Variants in PROS1 observed in about 807,000 individuals in gnomAD.
PROS1 encodes the protein vitamin K-dependent protein S.
In PROS1, 29 loss-of-function variants were observed where a neutral mutation model predicts 75.9. The ratio of observed to expected loss-of-function variants is 0.38; its 90% confidence interval spans 0.28 to 0.52. PROS1 has a LOEUF of 0.52. Ranked by LOEUF, PROS1 falls within the 20% of genes least tolerant of loss-of-function variation. The pLI is 0.83. For missense variants in PROS1, 680 were observed against 810.3 expected, an observed-to-expected ratio of 0.84 and a Z score of 1.95; for synonymous variants, 245 against 280.6, an observed-to-expected ratio of 0.87 and a Z score of 1.27.
In PROS1 at chr3:93,874,177, C is replaced by G; in HGVS notation, c.*68G>C. The G allele has an allele frequency of 7.7e-6, 12 of 1,555,290 alleles. No individual in the cohort carries two copies. The highest frequency in any genetic ancestry group is 1.1e-5 in the Non-Finnish European group (12 of 1,128,456). On this transcript the variant is annotated 3_prime_UTR_variant, in exon 15 of 15. Coordinates refer to ENST00000394236, the MANE Select transcript of PROS1 (RefSeq NM_000313.4). ...ACTGCACATTGTAAATAAAACCCTTCAGCTGTTATTGAAACATAAGTATAA... is the reference window on the plus strand; with the variant it reads ...ACTGCACATTGTAAATAAAACCCTTGAGCTGTTATTGAAACATAAGTATAA...
chr3:93,924,667 T>G (rs1026012480), intron 2 of PROS1, among the ~76,000 whole-genome samples: 1 of 150,972 alleles, frequency 6.6e-6, no homozygotes. Context: ...TACTCTCTTT[T>G]TTTTTTTTTT....
chr3:93,943,065 C>A lies in PROS1; in HGVS notation c.77-15658G>T, dbSNP rs1709314555. ...GACATAATTCTTCAGTTTGGGCTTC[C>A]CACCTCTATACAGTCCAATAACGGA... On this transcript the variant is annotated intron_variant, in intron 1 of 14. Transcript: ENST00000394236. Among the ~76,000 whole-genome samples, 5 of 152,164 alleles carry A rather than the reference C, an allele frequency of 3.3e-5. No individual in the cohort carries two copies. The South Asian group carries it at 1.0e-3, about 32-fold the overall frequency.
chr3:93,882,955 A>G (rs12634349), intron 12 of PROS1, among the ~76,000 whole-genome samples: 52,379 of 152,050 alleles, frequency 0.34, 10,274 homozygotes, highest in East Asian at 0.55. Flanking sequence ...TTGCAACTAC[A>G]GATTAGGAAG....
intron 1 of PROS1, among the ~76,000 whole-genome samples, chr3:93,939,868 C>T (rs1021761651): frequency 6.6e-6 from 1 of 152,104 alleles, no homozygotes; most frequent in African/African-American, 2.4e-5. Flanking sequence ...GCCCTCAAAC[C>T]CCACAACAGG....
intron 1 of PROS1, among the ~76,000 whole-genome samples, chr3:93,943,737 T>C (rs558978740): frequency 1.8e-4 from 27 of 152,304 alleles, no homozygotes; most frequent in African/African-American, 6.3e-4. Context: ...CCTGCACATA[T>C]AGAATCAGAT....
chr3:93,924,316 G>T, intron 2 of PROS1, 52 bp from the exon 3 acceptor site: 2 of 1,079,592 alleles, frequency 1.9e-6, no homozygotes, highest in Non-Finnish European at 2.5e-6. Context: ...TTTCATTATA[G>T]AGTTAAAACT....
At chr3:93,927,873 A>ATG (rs1553814475) in intron 1 of PROS1, among the ~76,000 whole-genome samples, 26 of 124,142 alleles carry the variant, frequency 2.1e-4, no homozygotes, top group African/African-American at 5.1e-4. Context: ...ATATATATAT[A>ATG]TGTGTGTATG....
At chr3:93,880,491 G>A (rs1708260706) in intron 12 of PROS1, among the ~76,000 whole-genome samples, 1 of 152,028 alleles carries the variant, frequency 6.6e-6, no homozygotes, top group Non-Finnish European at 1.5e-5. Flanking sequence ...GGGAAAAAGA[G>A]TGAGACTCTG....
chr3:93,938,922 C>A (rs1709233084), intron 1 of PROS1, among the ~76,000 whole-genome samples: 1 of 152,110 alleles, frequency 6.6e-6, no homozygotes, highest in Non-Finnish European at 1.5e-5. Flanking sequence ...TGGCTGCTCA[C>A]CCACACTGCA....
In PROS1 at chr3:93,953,554, A is replaced by G. The variant is rs181072891; in HGVS notation, c.76+20120T>C. ...TCTTCATGCTAAAAACTCTCAATAA[A>G]CTAGGTATTGATGGGATGTATCTCA... On this transcript the variant is annotated intron_variant, in intron 1 of 14. Coordinates refer to ENST00000394236, the MANE Select transcript of PROS1 (RefSeq NM_000313.4). Among the ~76,000 whole-genome samples, 483 of 152,280 alleles carry G rather than the reference A, an allele frequency of 3.2e-3. 3 individuals are homozygous for G. Among genetic ancestry groups the G allele is most frequent in the African/African-American group, 0.011 (451 of 41,560 alleles).
At chr3:93,947,075 C>G (rs1194989339) in intron 1 of PROS1, among the ~76,000 whole-genome samples, 2 of 152,146 alleles carry the variant, frequency 1.3e-5, no homozygotes, top group Admixed American at 6.5e-5. Context: ...AAATGCTCAT[C>G]ATCACTGGCC....
In PROS1 at chr3:93,884,480, C is replaced by T. The variant is rs1207636533; in HGVS notation, c.1492+248G>A. On this transcript the variant is annotated intron_variant, in intron 12 of 14. Transcript: ENST00000394236. ...CTTTAAAATAGGTCAATTGAATTTA[C>T]CCATAAGGAATCAGGCTATGTACTG... Among the ~76,000 whole-genome samples the T allele has an allele frequency of 3.3e-5, 5 of 152,122 alleles. No homozygotes were observed. The East Asian group carries it at 9.6e-4, about 29-fold the overall frequency.
intron 10 of PROS1, among the ~76,000 whole-genome samples, chr3:93,889,585 T>A (rs1005088771): frequency 1.3e-5 from 2 of 152,200 alleles, no homozygotes; most frequent in Non-Finnish European, 2.9e-5. Context: ...GGTACTAAGC[T>A]CTAGAGCAAG....
intron 14 of PROS1, among the ~76,000 whole-genome samples, 153 bp downstream of exon 14, chr3:93,876,813 A>G (rs1708196807): frequency 2.0e-5 from 3 of 152,146 alleles, no homozygotes; most frequent in Non-Finnish European, 4.4e-5. Flanking sequence ...AAAATATGCC[A>G]ATAAAATGTC....
At chr3:93,901,995 T>G (rs1708603230) in intron 6 of PROS1, among the ~76,000 whole-genome samples, 1 of 152,204 alleles carries the variant, frequency 6.6e-6, no homozygotes, top group Non-Finnish European at 1.5e-5. Flanking sequence ...TGGGACACTG[T>G]CTCTACAAAG....
chr3:93,882,850 C>T lies in PROS1; in HGVS notation c.1492+1878G>A, dbSNP rs535292376. ...CAGCTACAGGGAAGCCACAAAGCCC[C>T]ATCTAGATCCTTCTCGGTCTCCTCT... On this transcript the variant is annotated intron_variant, in intron 12 of 14. Coordinates refer to ENST00000394236, the MANE Select transcript of PROS1 (RefSeq NM_000313.4). Among the ~76,000 whole-genome samples, 6 of 152,236 alleles carry T rather than the reference C, an allele frequency of 3.9e-5. 1 individual carries two copies. In the South Asian group the frequency reaches 1.2e-3, roughly 32 times the overall value.
At chr3:93,962,933 G>A (rs1258318818) in intron 1 of PROS1, among the ~76,000 whole-genome samples, 5 of 152,214 alleles carry the variant, frequency 3.3e-5, no homozygotes, top group South Asian at 2.1e-4. Flanking sequence ...CACAGGAGTC[G>A]AAAGGCTGCC....
chr3:93,940,150 G>A (rs1479627682), intron 1 of PROS1, among the ~76,000 whole-genome samples: 2 of 152,148 alleles, frequency 1.3e-5, no homozygotes, highest in African/African-American at 4.8e-5. Context: ...TGTCCCATCT[G>A]TGCAGAACCC....
intron 12 of PROS1, among the ~76,000 whole-genome samples, chr3:93,880,309 G>A (rs554919131): frequency 6.6e-6 from 1 of 152,050 alleles, no homozygotes; most frequent in South Asian, 2.1e-4. Flanking sequence ...GACCAGCCTG[G>A]GCAACATGGT....
Sources: allele counts gnomAD v4.1 joint callset (sites outside exome capture counted in the v4.1 genomes callset), GRCh38; gene constraint gnomAD v4.1.1; transcripts MANE v1.5; gene names NCBI Gene and HGNC (gene_info 2026-07-23, HGNC 2026-07-21).